The following MIA2 variants were observed in gnomAD, a reference collection of about 807,000 sequenced individuals.
MIA2 encodes melanoma inhibitory activity protein 2.
MIA2 carries 127 observed loss-of-function variants against 167.8 expected under a neutral mutation model. That is an observed-to-expected ratio of 0.76 (90% CI 0.66 to 0.88). MIA2 has a LOEUF of 0.88. Among genes scored for constraint, MIA2 ranks in the 40% least tolerant of loss-of-function variants. The pLI is 0.00. For synonymous variants in MIA2, 552 were observed against 541.9 expected, an observed-to-expected ratio of 1.02 and a Z score of -0.26; for missense variants, 1,690 against 1,624.7, an observed-to-expected ratio of 1.04 and a Z score of -0.69.
intron 6 of MIA2, among the ~76,000 whole-genome samples, chr14:39,257,748 T>C (rs1954486364): frequency 6.6e-6 from 1 of 152,224 alleles, no homozygotes; most frequent in African/African-American, 2.4e-5. Context: ...TATTTAGTGC[T>C]TCTTTCAGGA....
intron 6 of MIA2, among the ~76,000 whole-genome samples, chr14:39,256,557 C>A (rs1425849557): frequency 6.6e-6 from 1 of 150,846 alleles, no homozygotes; most frequent in African/African-American, 2.4e-5. Context: ...ACATCAAAAG[C>A]AATGGAAAAT....
intron 1 of MIA2, among the ~76,000 whole-genome samples, chr14:39,235,905 T>C (rs2053720309): frequency 6.6e-6 from 1 of 152,220 alleles, no homozygotes; most frequent in Non-Finnish European, 1.5e-5. Flanking sequence ...ATTTATAATG[T>C]TATTTTAACT....
At chr14:39,315,810 T>C (rs1251598694) in intron 21 of MIA2, 92 bp downstream of exon 21, 3 of 837,210 alleles carry the variant, frequency 3.6e-6, no homozygotes, top group African/African-American at 1.8e-5. Flanking sequence ...AAAATAAATA[T>C]AGTATTCTAA....
At position 39,346,021 on chromosome 14, in the gene MIA2, A is replaced by G; in HGVS notation, c.3773A>G (p.Lys1258Arg). The change falls in exon 26 of 29, where the codon AAA becomes AGA. Residue 1258 changes from lysine (K) to arginine (R), a missense_variant. Lys to Arg is a conservative substitution (Grantham distance 26). Transcript: ENST00000640607. ...AGTTTTAATATGCCTTCTTTGGATA[A>G]AATGGGTAAGAAGTACTTTGTGCTT... ...LRSFNMPSLD[K>R]MDGSMPSEME... The G allele has an allele frequency of 1.9e-6, 3 of 1,612,166 alleles. No individual in the cohort carries two copies. Among genetic ancestry groups the G allele is most frequent in the Non-Finnish European group, 2.5e-6 (3 of 1,178,728 alleles).
chr14:39,300,071 T>C, intron 14 of MIA2, 85 bp downstream of exon 14: 1 of 1,497,472 alleles, frequency 6.7e-7, no homozygotes, highest in Non-Finnish European at 9.0e-7. Context: ...TTTAGCAACT[T>C]TTATTTTCAC....
intron 25 of MIA2, among the ~76,000 whole-genome samples, chr14:39,330,231 T>G (rs141803034): frequency 0.02 from 3,085 of 152,316 alleles, 107 homozygotes; most frequent in African/African-American, 0.068. Context: ...ATCCATTTCT[T>G]CTAGATTTTC....
chr14:39,326,892 C>T lies in MIA2; in HGVS notation c.3525C>T (p.Asp1175=), dbSNP rs778764393. The change falls in exon 25 of 29, where the codon GAC becomes GAT. Residue 1175 remains aspartate (D), a synonymous_variant. Coordinates refer to ENST00000640607, the MANE Select transcript of MIA2 (RefSeq NM_001329214.4). ...RGSRGPGNPL[D]HQITNERGES... is the part of the protein sequence containing the mutation. ...CACGAGGCCCAGGGAATCCTCTGGA[C>T]CATCAGATTACCAATGAAAGAGGAG... 14 of 1,593,690 alleles carry T rather than the reference C, an allele frequency of 8.8e-6. No homozygotes were observed. The East Asian group carries it at 3.3e-4, about 37-fold the overall frequency.
intron 23 of MIA2, among the ~76,000 whole-genome samples, chr14:39,376,267 T>C (rs190082032): frequency 9.2e-5 from 14 of 152,334 alleles, no homozygotes; most frequent in Admixed American, 8.5e-4. Flanking sequence ...TGGTTTTACA[T>C]TTCTTTATCT....
In MIA2 at chr14:39,234,032, A is replaced by G; in HGVS notation, c.-83A>G. On this transcript the variant is annotated 5_prime_UTR_variant, in exon 1 of 29. Transcript: ENST00000640607. ...TCTTATAGTTAGTGAAGAGAGTAGA[A>G]TATCTCCAGTTTTGGCTGACATCTC... The G allele has an allele frequency of 1.3e-6, 1 of 747,122 alleles. No individual in the cohort carries two copies. 46.3% of individuals were successfully genotyped at this position (747,122 alleles called of 1,614,324 possible).
chr14:39,290,923 G>A (rs1479868738), intron 9 of MIA2, 96 bp from the exon 10 acceptor site: 5 of 1,107,326 alleles, frequency 4.5e-6, no homozygotes, highest in South Asian at 3.0e-5. Flanking sequence ...AATGTATTAT[G>A]TGGAAATGGA....
chr14:39,360,969 G>A (rs1810705261), intron 23 of MIA2, among the ~76,000 whole-genome samples: 1 of 152,172 alleles, frequency 6.6e-6, no homozygotes. Context: ...TAAATACATG[G>A]ATTTATTTCT....
chr14:39,312,615 A>G (rs529413043), intron 18 of MIA2, among the ~76,000 whole-genome samples: 133 of 152,336 alleles, frequency 8.7e-4, no homozygotes, highest in African/African-American at 2.8e-3. Flanking sequence ...CAACATGGGT[A>G]TTATAGCATA....
intron 7 of MIA2, among the ~76,000 whole-genome samples, chr14:39,277,343 C>T (rs998562960): frequency 6.6e-6 from 1 of 151,240 alleles, no homozygotes; most frequent in Non-Finnish European, 1.5e-5. Flanking sequence ...CTGGGCAACA[C>T]GGTGAGACCC....
At chr14:39,377,690 C>T (rs777008285) in intron 23 of MIA2, among the ~76,000 whole-genome samples, 12 of 151,970 alleles carry the variant, frequency 7.9e-5, no homozygotes, top group Non-Finnish European at 1.3e-4. Context: ...ACATTTTAGA[C>T]CTATTACACT....
chr14:39,318,071 A>C, intron 22 of MIA2, 60 bp downstream of exon 22: 4 of 1,249,486 alleles, frequency 3.2e-6, no homozygotes, highest in Non-Finnish European at 4.5e-6. Context: ...TAATTAGGTA[A>C]TACTTTTATA....
intron 23 of MIA2, among the ~76,000 whole-genome samples, chr14:39,372,642 G>A (rs2074971070): frequency 6.6e-6 from 1 of 152,058 alleles, no homozygotes; most frequent in Admixed American, 6.5e-5. Flanking sequence ...AAATATCCTT[G>A]GTGCCAGAAT....
In MIA2 at chr14:39,253,060, T is replaced by C; in HGVS notation, c.1787-11T>C. On this transcript the variant is annotated splice_polypyrimidine_tract_variant and intron_variant, in intron 5 of 28. Transcript: ENST00000640607. ...TATCATGCTAACATATTTTTATTTA[T>C]AAATCAACAGAAGATGCTTCTGAGT... 1 of 1,577,614 alleles carries C rather than the reference T, an allele frequency of 6.3e-7. No homozygotes were observed. Among genetic ancestry groups the C allele is most frequent in the South Asian group, 1.2e-5 (1 of 86,042 alleles).
At chr14:39,379,728 T>G (rs7158384) in intron 23 of MIA2, among the ~76,000 whole-genome samples, 5 of 152,054 alleles carry the variant, frequency 3.3e-5, no homozygotes, top group Non-Finnish European at 4.4e-5. Context: ...GGTGCGCACC[T>G]GTAATCCCAG....
chr14:39,342,831 C>A (rs1278475346), intron 25 of MIA2, among the ~76,000 whole-genome samples: 1 of 152,134 alleles, frequency 6.6e-6, no homozygotes, highest in Non-Finnish European at 1.5e-5. Flanking sequence ...CGTGTGTAAA[C>A]TTTCAGTTCT....
Sources: allele counts gnomAD v4.1 joint callset (sites outside exome capture counted in the v4.1 genomes callset), GRCh38; gene constraint gnomAD v4.1.1; transcripts MANE v1.5; gene names NCBI Gene and HGNC (gene_info 2026-07-23, HGNC 2026-07-21).